STK31: variants seen among roughly 807,000 people sequenced by gnomAD.
STK31 encodes serine/threonine-protein kinase 31.
Under a neutral mutation model 129.7 loss-of-function variants are expected in STK31, and 89 were observed. That is an observed-to-expected ratio of 0.69 (90% CI 0.58 to 0.82). The LOEUF is 0.82. Among genes scored for constraint, STK31 ranks in the 40% least tolerant of loss-of-function variants. The pLI, the probability that STK31 is intolerant of heterozygous loss-of-function variation, is 0.00. For synonymous variants in STK31, 448 were observed against 395.3 expected, an observed-to-expected ratio of 1.13 and a Z score of -1.58; for missense variants, 1,187 against 1,176.4, an observed-to-expected ratio of 1.01 and a Z score of -0.13.
chr7:23,776,507 A>T (rs989251686), intron 15 of STK31, among the ~76,000 whole-genome samples: 4 of 152,080 alleles, frequency 2.6e-5, no homozygotes, highest in African/African-American at 9.7e-5. Context: ...TCAATTTCAG[A>T]ACTTATTGTT....
intron 11 of STK31, among the ~76,000 whole-genome samples, chr7:23,767,108 A>G (rs1789876582): frequency 1.3e-5 from 2 of 152,108 alleles, no homozygotes; most frequent in Non-Finnish European, 2.9e-5. Context: ...TTGTGTTTCC[A>G]ATATTCTTTC....
intron 1 of STK31, among the ~76,000 whole-genome samples, chr7:23,711,312 C>T (rs968323253): frequency 1.3e-5 from 2 of 151,862 alleles, no homozygotes; most frequent in South Asian, 2.1e-4. Flanking sequence ...TGTCACGCGC[C>T]GGTAATCTCA....
intron 7 of STK31, 29 bp downstream of exon 7, chr7:23,735,925 A>T (rs780947726): frequency 1.3e-6 from 2 of 1,514,166 alleles, no homozygotes; most frequent in South Asian, 2.6e-5. Flanking sequence ...CTAATTTCTA[A>T]TTGATGGTAG....
chr7:23,762,459 A>C (rs1789534568), intron 10 of STK31, among the ~76,000 whole-genome samples: 1 of 152,186 alleles, frequency 6.6e-6, no homozygotes. Flanking sequence ...TTGAAGGATG[A>C]GTAGCTGAAG....
At chr7:23,759,536 T>C (rs1261225687) in intron 10 of STK31, among the ~76,000 whole-genome samples, 2 of 152,208 alleles carry the variant, frequency 1.3e-5, no homozygotes, top group African/African-American at 2.4e-5. Flanking sequence ...ACCTTTAACT[T>C]TTACAGTATC....
chr7:23,791,326 G>A, intron 22 of STK31: 5 of 985,050 alleles, frequency 5.1e-6, no homozygotes, highest in Non-Finnish European at 6.0e-6. Context: ...GAATTAAGAA[G>A]TTGGATGGAG....
At chr7:23,822,895 C>T (rs1793878885) in intron 23 of STK31, among the ~76,000 whole-genome samples, 1 of 152,116 alleles carries the variant, frequency 6.6e-6, no homozygotes, top group Non-Finnish European at 1.5e-5. Flanking sequence ...TGGTTTCCAG[C>T]TTCATCCATG....
chr7:23,804,613 A>G (rs1008945661), intron 22 of STK31, among the ~76,000 whole-genome samples: 2 of 152,190 alleles, frequency 1.3e-5, no homozygotes, highest in African/African-American at 4.8e-5. Flanking sequence ...GACTCTTAAT[A>G]TATTTCTAGG....
At chr7:23,758,961 T>G (rs190327929) in intron 10 of STK31, among the ~76,000 whole-genome samples, 4 of 151,872 alleles carry the variant, frequency 2.6e-5, no homozygotes, top group Non-Finnish European at 5.9e-5. Flanking sequence ...ACCAAACAAA[T>G]AGAAAGCAAA....
At chr7:23,735,200 T>C (rs1787648287) in intron 6 of STK31, among the ~76,000 whole-genome samples, 1 of 152,154 alleles carries the variant, frequency 6.6e-6, no homozygotes, top group African/African-American at 2.4e-5. Flanking sequence ...TTATGCGCTA[T>C]TGCTTTTCAG....
chr7:23,741,598 C>T (rs986754628), intron 8 of STK31, among the ~76,000 whole-genome samples: 3 of 152,114 alleles, frequency 2.0e-5, no homozygotes, highest in Non-Finnish European at 4.4e-5. Context: ...CTCCTTTGTT[C>T]CAGAGCAGGT....
chr7:23,751,647 A>G lies in STK31; in HGVS notation c.1018-1070A>G, dbSNP rs549812693. On this transcript the variant is annotated intron_variant, in intron 8 of 23. Coordinates refer to ENST00000355870, the MANE Select transcript of STK31 (RefSeq NM_031414.5). ...TCTACTTATTCAATCAACTACTGAG[A>G]GAGAAGTACTGAAATCTAAATATTA... is the stretch of plus-strand genomic sequence containing the variant. Among the ~76,000 whole-genome samples, 3 of 152,328 alleles carry G rather than the reference A, an allele frequency of 2.0e-5. No homozygotes were observed. In the East Asian group the frequency reaches 5.8e-4, roughly 29 times the overall value.
At chr7:23,738,539 C>A (rs189102447) in intron 8 of STK31, among the ~76,000 whole-genome samples, 1 of 152,166 alleles carries the variant, frequency 6.6e-6, no homozygotes, top group East Asian at 1.9e-4. Context: ...AGGTATGTGC[C>A]CCATTCCTGG....
chr7:23,757,990 C>G (rs1230533693), intron 10 of STK31, among the ~76,000 whole-genome samples: 1 of 152,172 alleles, frequency 6.6e-6, no homozygotes, highest in Non-Finnish European at 1.5e-5. Context: ...CTGCATAGCC[C>G]TAAATCCATG....
intron 23 of STK31, among the ~76,000 whole-genome samples, chr7:23,818,589 A>G (rs1459415565): frequency 6.6e-6 from 1 of 150,718 alleles, no homozygotes; most frequent in Non-Finnish European, 1.5e-5. Context: ...TTATAGGGCT[A>G]GTTCCTTCTT....
intron 8 of STK31, among the ~76,000 whole-genome samples, chr7:23,752,409 G>A (rs1477890585): frequency 6.6e-6 from 1 of 150,756 alleles, no homozygotes; most frequent in Non-Finnish European, 1.5e-5. Context: ...GAGTGCTGTG[G>A]CACAATCTCG....
intron 21 of STK31, among the ~76,000 whole-genome samples, chr7:23,789,054 C>A (rs1041740074): frequency 2.0e-5 from 3 of 152,236 alleles, no homozygotes; most frequent in Admixed American, 6.5e-5. Flanking sequence ...TGGAATGATA[C>A]AATATGTGGC....
intron 23 of STK31, among the ~76,000 whole-genome samples, chr7:23,822,967 G>A (rs1793885067): frequency 6.6e-6 from 1 of 152,152 alleles, no homozygotes; most frequent in Non-Finnish European, 1.5e-5. Context: ...TGGTGTATAT[G>A]TGCCACATTT....
At chr7:23,713,375 TTGAG>T (rs1271961165) in intron 3 of STK31, among the ~76,000 whole-genome samples, 2 of 152,200 alleles carry the variant, frequency 1.3e-5, no homozygotes, top group African/African-American at 2.4e-5. Flanking sequence ...GGGTGAGTCA[TTGAG>T]TGAGTAGTGA....
Sources: allele counts gnomAD v4.1 joint callset (sites outside exome capture counted in the v4.1 genomes callset), GRCh38; gene constraint gnomAD v4.1.1; transcripts MANE v1.5; gene names NCBI Gene and HGNC (gene_info 2026-07-23, HGNC 2026-07-21).